Variants in ATR observed in about 807,000 individuals in gnomAD.
ATR encodes serine/threonine-protein kinase ATR.
In ATR, 142 loss-of-function variants were observed where a neutral mutation model predicts 305.3. That is an observed-to-expected ratio of 0.47 (90% CI 0.41 to 0.53). The LOEUF is 0.53. Among genes scored for constraint, ATR ranks in the 20% least tolerant of loss-of-function variants. ATR has a pLI of 0.00. For missense variants in ATR, 2,135 were observed against 3,133.1 expected (o/e 0.68, Z 7.60); for synonymous variants, 1,050 against 1,068.1 (o/e 0.98, Z 0.33).
intron 10 of ATR, among the ~76,000 whole-genome samples, chr3:142,554,899 G>A (rs1042628723): frequency 2.6e-5 from 4 of 151,534 alleles, no homozygotes; most frequent in Non-Finnish European, 5.9e-5. Context: ...CTGCACTCTA[G>A]CCTGGGTGAC....
rs749132375 is a variant in ATR at position 142,560,410 on chromosome 3, G to T, written c.1394C>A (p.Ala465Glu). 5.6e-6 allele frequency: 9 copies of T among 1,613,370 alleles called. No homozygotes were observed. In the East Asian group the frequency reaches 2.0e-4, roughly 36 times the overall value. Residue 465 changes from alanine to glutamate, a missense_variant, in exon 6 of 47, where the codon GCA becomes GAA. By Grantham distance (107) the Ala-to-Glu change is moderately radical (BLOSUM62 -1). Coordinates refer to ENST00000350721, the MANE Select transcript of ATR (RefSeq NM_001184.4). Reference protein sequence around the residue: ...DMNQKSILWSALKQKAESLQI... With the variant: ...DMNQKSILWSELKQKAESLQI... ...AAGGGATTCAGCTTTCTGTTTCAGTGCACTCCATAATATGCTCTTTTGGTT... is the reference window on the plus strand; with the variant it reads ...AAGGGATTCAGCTTTCTGTTTCAGTTCACTCCATAATATGCTCTTTTGGTT...
chr3:142,573,082 C>G (rs1011959433), intron 1 of ATR, among the ~76,000 whole-genome samples: 14 of 152,166 alleles, frequency 9.2e-5, no homozygotes, highest in Admixed American at 4.6e-4. Context: ...GCTACATCAC[C>G]TAGAACTTGC....
At chr3:142,546,858 G>C (rs976463175) in intron 16 of ATR, among the ~76,000 whole-genome samples, 1 of 152,154 alleles carries the variant, frequency 6.6e-6, no homozygotes, top group Non-Finnish European at 1.5e-5. Context: ...GAATTTCATG[G>C]AATAGTGAGA....
Position 142,574,209 on chromosome 3 carries a change from A to C in ATR, c.59+4437T>G, listed in dbSNP as rs571840440. 3.3e-5 allele frequency among the ~76,000 whole-genome samples: 5 copies of C among 152,312 alleles called. No homozygotes were observed. In the South Asian group the frequency reaches 1.0e-3, roughly 32 times the overall value. The stretch of plus-strand genomic sequence containing the variant: ...GCCGGGCGTGGTGGCTCATGTCTGT[A>C]ATCCCAGCACTTTGGGAGGCTGAGG... On this transcript the variant is annotated intron_variant, in intron 1 of 46. Transcript: ENST00000350721.
intron 21 of ATR, among the ~76,000 whole-genome samples, chr3:142,534,074 A>C (rs975187539): frequency 6.6e-6 from 1 of 152,126 alleles, no homozygotes; most frequent in African/African-American, 2.4e-5. Context: ...CCTCTATGCA[A>C]AGAGGAGAAA....
chr3:142,466,438 A>C lies in ATR; in HGVS notation c.6783T>G (p.Pro2261=), dbSNP rs1392629701. 1.9e-6 allele frequency: 3 copies of C among 1,613,836 alleles called. No individual in the cohort carries two copies. Among genetic ancestry groups the C allele is most frequent in the Non-Finnish European group, 2.5e-6 (3 of 1,179,762 alleles). ...EEATFSEILI[P]LQSVMIPTLP... is the part of the protein sequence containing the mutation. ...GTGTAGGTATCATGACTGATTGTAG[A>C]GGAATGAGGATTTCACTAAATGTTG... The change falls in exon 40 of 47, where the codon CCT becomes CCG. Residue 2261 remains proline, a synonymous_variant. Transcript: ENST00000350721.
rs1180984060 is a variant in ATR, at chr3:142,466,355, T to C, written c.6866A>G (p.His2289Arg). Residue 2289 changes from histidine to arginine, a missense_variant, in exon 40 of 47, where the codon CAT becomes CGT. This residue lies in a region of ATR where 462 missense variants were observed against 887.6 expected (regional missense o/e 0.52). Transcript: ENST00000350721. The stretch of plus-strand genomic sequence containing the variant: ...ATCAAACCCTGCAATATAGGCCCAA[T>C]GTCCAGGAAATGGTTCATGGCTAGC... ...NHASHEPFPG[H>R]WAYIAGFDDM... 1 of 1,613,910 alleles carries C rather than the reference T, an allele frequency of 6.2e-7. No individual in the cohort carries two copies. Among genetic ancestry groups the C allele is most frequent in the East Asian group, 2.2e-5 (1 of 44,838 alleles).
intron 31 of ATR, chr3:142,499,214 C>G: frequency 2.8e-6 from 1 of 351,080 alleles, no homozygotes; most frequent in Non-Finnish European, 5.5e-6. Context: ...CTAAACAAGG[C>G]AATCATAAAA....
At chr3:142,453,333 C>A in intron 45 of ATR, 100 bp from the exon 46 acceptor site, 1 of 1,368,598 alleles carries the variant, frequency 7.3e-7, no homozygotes, top group South Asian at 1.2e-5. Context: ...AATGGTAATA[C>A]TCTTATAATA....
rs1204097229 is a variant in ATR, at chr3:142,519,940, CTGTT to C, written c.4267-160_4267-157del. On this transcript the variant is annotated intron_variant, in intron 23 of 46. Transcript: ENST00000350721. The stretch of plus-strand genomic sequence containing the variant: ...GCTTCATGGATGCTGTTTTTTTTGT[CTGTT>C]TGTTTTTTTAGAAATAGAAGGTTTG... Among the ~76,000 whole-genome samples, 7 of 151,868 alleles carry C rather than the reference CTGTT, an allele frequency of 4.6e-5. No homozygotes were observed. The South Asian group carries it at 1.0e-3, about 22-fold the overall frequency.
chr3:142,520,297 C>A lies in ATR; in HGVS notation c.4267-513G>T, dbSNP rs569894030. On this transcript the variant is annotated intron_variant, in intron 23 of 46. Coordinates refer to ENST00000350721, the MANE Select transcript of ATR (RefSeq NM_001184.4). ...TATTGAAATTAGGCCAATTAATGACCCTACAGTGGCCTCTAAGTATACATA... is the reference window on the plus strand; with the variant it reads ...TATTGAAATTAGGCCAATTAATGACACTACAGTGGCCTCTAAGTATACATA... Among the ~76,000 whole-genome samples the A allele has an allele frequency of 7.2e-5, 11 of 152,090 alleles. No homozygotes were observed. The South Asian group carries it at 2.1e-3, about 29-fold the overall frequency.
Position 142,512,310 on chromosome 3 carries a change from G to T in ATR, c.4802C>A (p.Ala1601Asp). The change falls in exon 27 of 47, where the codon GCT becomes GAT. Residue 1601 changes from alanine (A) to aspartate (D), a missense_variant. By Grantham distance (126) the Ala-to-Asp change is moderately radical (BLOSUM62 -2). Coordinates refer to ENST00000350721, the MANE Select transcript of ATR (RefSeq NM_001184.4). ...TGATTTGCTGTGTGGACATTTCTCAGCTTTCAGTGCCTGAAATTTGTGCCT... is the reference window on the plus strand; with the variant it reads ...TGATTTGCTGTGTGGACATTTCTCATCTTTCAGTGCCTGAAATTTGTGCCT... Reference protein sequence around the residue: ...WARHKFQALKAEKCPHSKSNR... With the variant: ...WARHKFQALKDEKCPHSKSNR... 6.2e-7 allele frequency: 1 copy of T among 1,613,168 alleles called. No individual in the cohort carries two copies. Among genetic ancestry groups the T allele is most frequent in the South Asian group, 1.1e-5 (1 of 91,040 alleles).
chr3:142,493,228 C>T lies in ATR; in HGVS notation c.5982G>A (p.Lys1994=). 2 of 1,613,996 alleles carry T rather than the reference C, an allele frequency of 1.2e-6. No individual in the cohort carries two copies. The highest frequency in any genetic ancestry group is 1.7e-6 in the Non-Finnish European group (2 of 1,179,946). Residue 1994 remains lysine (K), a synonymous_variant, in exon 35 of 47, where the codon AAG becomes AAA. Coordinates refer to ENST00000350721, the MANE Select transcript of ATR (RefSeq NM_001184.4). ...TAGCTCGACCATGGATTAACATGTT[C>T]TTACCCTCAGGTGGGGTTTCATTTT... ...FPENETPPEG[K]NMLIHGRAML...
chr3:142,463,343 C>A (rs1044805427), intron 41 of ATR, among the ~76,000 whole-genome samples: 13 of 152,294 alleles, frequency 8.5e-5, no homozygotes, highest in Non-Finnish European at 7.4e-5. Context: ...TTGGAGAGAA[C>A]ATACTAATGG....
At chr3:142,452,317 T>C (rs2070809612) in intron 46 of ATR, 2 of 987,504 alleles carry the variant, frequency 2.0e-6, no homozygotes, top group Non-Finnish European at 2.4e-6. Context: ...ACAAGACTTA[T>C]TAAAGATGTA....
chr3:142,496,075 A>G (rs2031571704), intron 34 of ATR, among the ~76,000 whole-genome samples: 1 of 151,558 alleles, frequency 6.6e-6, no homozygotes, highest in African/African-American at 2.4e-5. Context: ...TCCTCAAGGA[A>G]AATGTAAGAT....
At chr3:142,500,910 T>C (rs2031924390) in intron 30 of ATR, among the ~76,000 whole-genome samples, 1 of 152,152 alleles carries the variant, frequency 6.6e-6, no homozygotes, top group South Asian at 2.1e-4. Flanking sequence ...AGATTATCTA[T>C]GGGATATCAG....
chr3:142,461,814 T>C (rs2071027947), intron 42 of ATR, 126 bp downstream of exon 42: 2 of 1,042,484 alleles, frequency 1.9e-6, no homozygotes, highest in East Asian at 2.5e-5. Context: ...TTTCTGTATA[T>C]AAAATCTAGA....
chr3:142,521,627 C>A (rs1470942981), intron 23 of ATR, among the ~76,000 whole-genome samples: 2 of 152,110 alleles, frequency 1.3e-5, no homozygotes, highest in Admixed American at 6.6e-5. Context: ...TTGATTCCAA[C>A]CCCTCCTGGA....
Sources: gnomAD v4.1 joint callset for allele counts (sites outside exome capture counted in the v4.1 genomes callset) on GRCh38, gnomAD v4.1.1 for gene constraint, gnomAD v4.1.1 regional missense constraint, MANE v1.5 for transcripts, NCBI Gene and HGNC (gene_info 2026-07-23, HGNC 2026-07-21) for gene names.